DNMT3A: variants seen among roughly 807,000 people sequenced by gnomAD.
DNMT3A encodes DNA (cytosine-5)-methyltransferase 3A.
Under a neutral mutation model 117.6 loss-of-function variants are expected in DNMT3A, and 267 were observed. The ratio of observed to expected loss-of-function variants is 2.27; its 90% CI spans 2.05 to 2.51. The LOEUF (loss-of-function observed/expected upper bound fraction) is 2.51. DNMT3A is among the 30% of genes most tolerant of loss of function. DNMT3A has a pLI of 0.00. For missense variants in DNMT3A, 1,029 were observed against 1,260.2 expected (o/e 0.82, Z 2.78); for synonymous variants, 432 against 474.8 (o/e 0.91, Z 1.17).
At chr2:25,238,697 C>A (rs979983196) in intron 20 of DNMT3A, among the ~76,000 whole-genome samples, 2 of 152,106 alleles carry the variant, frequency 1.3e-5, no homozygotes, top group Non-Finnish European at 2.9e-5. Flanking sequence ...TAAGCAGAAC[C>A]CTGAACTTGC....
At position 25,305,221 on chromosome 2, in the gene DNMT3A, G is replaced by A. The variant is rs976635046; in HGVS notation, c.73-4978C>T. Reference sequence around the variant, plus strand: ...GATTAGGAAACAAGAGGACTAAAACGTCCCTTCTAGACTTAAACATAATTG... The same window carrying A: ...GATTAGGAAACAAGAGGACTAAAACATCCCTTCTAGACTTAAACATAATTG... On this transcript the variant is annotated intron_variant, in intron 2 of 22. Coordinates refer to ENST00000321117, the MANE Select transcript of DNMT3A (RefSeq NM_022552.5). This position sits in a 1 kb window ranked among gnomAD's most constrained non-coding sequence, Gnocchi z 4.1. Among the ~76,000 whole-genome samples the A allele has an allele frequency of 7.2e-5, 11 of 152,308 alleles. No homozygotes were observed. Among genetic ancestry groups the A allele is most frequent in the East Asian group, 1.9e-4 (1 of 5,190 alleles).
intron 16 of DNMT3A, among the ~76,000 whole-genome samples, chr2:25,243,668 A>G (rs1418451714): frequency 6.6e-6 from 1 of 152,258 alleles, no homozygotes; most frequent in African/African-American, 2.4e-5. Flanking sequence ...TTACTAAGGA[A>G]GCGCCCAGCA....
intron 2 of DNMT3A, among the ~76,000 whole-genome samples, chr2:25,309,870 G>A (rs1411283421): frequency 6.6e-6 from 1 of 151,958 alleles, no homozygotes; most frequent in Admixed American, 6.6e-5. Flanking sequence ...TGGCTAACAT[G>A]GTGAAACCCC....
At chr2:25,300,360 G>C in intron 2 of DNMT3A, 117 bp from the exon 3 acceptor site, 1 of 1,172,302 alleles carries the variant, frequency 8.5e-7, no homozygotes. Flanking sequence ...CCTGTCCCAC[G>C]AGCCACACTT....
intron 17 of DNMT3A, among the ~76,000 whole-genome samples, chr2:25,240,951 A>G (rs1485940642): frequency 1.3e-5 from 2 of 152,200 alleles, no homozygotes; most frequent in Non-Finnish European, 1.5e-5. Flanking sequence ...GGAAACTAGT[A>G]TCACCCAGGC....
intron 1 of DNMT3A, among the ~76,000 whole-genome samples, chr2:25,336,686 G>A (rs958752860): frequency 1.3e-5 from 2 of 151,778 alleles, no homozygotes; most frequent in Non-Finnish European, 2.9e-5. Context: ...AGTTCAGAGC[G>A]ATCCTCCGTG....
intron 2 of DNMT3A, among the ~76,000 whole-genome samples, chr2:25,302,985 T>C (rs1308773722): frequency 2.0e-5 from 3 of 151,952 alleles, no homozygotes; most frequent in African/African-American, 7.3e-5. Flanking sequence ...GGTAGGGAGG[T>C]GTCCATCCTG....
chr2:25,275,464 C>G lies in DNMT3A; in HGVS notation c.492+36G>C, dbSNP rs374554793. On this transcript the variant is annotated intron_variant, in intron 5 of 22. Coordinates refer to ENST00000321117, the MANE Select transcript of DNMT3A (RefSeq NM_022552.5). ...GCCACCCGTGTCCTTCTTCTAGAAT[C>G]AGGATCCACAGAGCCCCTGGGGGTG... 48 of 1,518,098 alleles carry G rather than the reference C, an allele frequency of 3.2e-5. No homozygotes were observed. In the African/African-American group the frequency reaches 5.3e-4, roughly 17 times the overall value. The allele number at this position is 1,518,098 out of a possible 1,614,324, so 94.0% of individuals were successfully genotyped here. A position where few individuals can be genotyped will look rare whatever the true frequency, so the allele number is the denominator to read the frequency against.
Position 25,230,955 on chromosome 2 carries a change from G to A in DNMT3A, c.*3324C>T, listed in dbSNP as rs1248702842. The A allele has an allele frequency of 6.6e-6, 1 of 152,322 alleles. No individual in the cohort carries two copies. The highest frequency in any genetic ancestry group is 2.4e-5 in the African/African-American group (1 of 41,446). The allele number at this position is 152,322 out of a possible 1,614,324, so 9.4% of individuals were successfully genotyped here. A position where few individuals can be genotyped will look rare whatever the true frequency, so the allele number is the denominator to read the frequency against. On this transcript the variant is annotated 3_prime_UTR_variant, in exon 23 of 23. Coordinates refer to ENST00000321117, the MANE Select transcript of DNMT3A (RefSeq NM_022552.5). The stretch of plus-strand genomic sequence containing the variant: ...CAAGCCGGCCCACAGGAATCCCCCA[G>A]GCTTGCCATGCCCTTGGCTACCAAG...
rs1347653303 is a variant in DNMT3A, at chr2:25,247,071, C to T, written c.1102G>A (p.Ala368Thr). 3 of 1,614,124 alleles carry T rather than the reference C, an allele frequency of 1.9e-6. No homozygotes were observed. The highest frequency in any genetic ancestry group is 2.5e-6 in the Non-Finnish European group (3 of 1,179,992). The part of the protein sequence containing the change: ...TYNKQPMYRK[A>T]IYEVLQVASS... ...CTCACCTGCAGGACCTCGTAGATGGCTTTGCGGTACATGGGCTGCTTGTTG... is the reference window on the plus strand; with the variant it reads ...CTCACCTGCAGGACCTCGTAGATGGTTTTGCGGTACATGGGCTGCTTGTTG... Residue 368 changes from alanine (A) to threonine (T), a missense_variant, in exon 9 of 23, where the codon GCC (alanine) becomes ACC (threonine). Ala to Thr is a moderately conservative substitution (Grantham distance 58, BLOSUM62 0). Coordinates refer to ENST00000321117, the MANE Select transcript of DNMT3A (RefSeq NM_022552.5). The surrounding 1 kb of genome is among the most constrained non-coding windows in gnomAD (Gnocchi z 5.6).
At chr2:25,334,475 C>T (rs2035133651) in intron 1 of DNMT3A, among the ~76,000 whole-genome samples, 1 of 152,212 alleles carries the variant, frequency 6.6e-6, no homozygotes, top group African/African-American at 2.4e-5. Flanking sequence ...GCTGGGTCAC[C>T]TGAGCTCCAT....
intron 6 of DNMT3A, among the ~76,000 whole-genome samples, chr2:25,248,914 C>A (rs901964386): frequency 6.6e-6 from 1 of 152,058 alleles, no homozygotes; most frequent in African/African-American, 2.4e-5. Context: ...ATGTGCACAA[C>A]GTGCAGGTTT....
Position 25,237,258 on chromosome 2 carries a change from G to T in DNMT3A, c.2409-253C>A, listed in dbSNP as rs17046942. Among the ~76,000 whole-genome samples, 1 of 152,134 alleles carries T rather than the reference G, an allele frequency of 6.6e-6. No homozygotes were observed. The highest frequency in any genetic ancestry group is 2.4e-5 in the African/African-American group (1 of 41,414). ...GTAAATTCAAAAGTGGTCTCAAATTGTGAACAGGCAGATAACACCTAGCAG... is the reference window on the plus strand; with the variant it reads ...GTAAATTCAAAAGTGGTCTCAAATTTTGAACAGGCAGATAACACCTAGCAG... On this transcript the variant is annotated intron_variant, in intron 20 of 22. Transcript: ENST00000321117. The surrounding 1 kb of genome is among the most constrained non-coding windows in gnomAD (Gnocchi z 5.4).
Position 25,257,168 on chromosome 2 carries a change from A to T in DNMT3A, c.640-8916T>A, listed in dbSNP as rs1158774746. Among the ~76,000 whole-genome samples, 1 of 152,180 alleles carries T rather than the reference A, an allele frequency of 6.6e-6. No homozygotes were observed. Among genetic ancestry groups the T allele is most frequent in the Non-Finnish European group, 1.5e-5 (1 of 68,022 alleles). ...GCAGTGAAGCTAAAAATAGCCATGA[A>T]GCCAACAGCGTGGAGTTAGCAGGAC... is the stretch of plus-strand genomic sequence containing the variant. On this transcript the variant is annotated intron_variant, in intron 6 of 22. Transcript: ENST00000321117. This position sits in a 1 kb window ranked among gnomAD's most constrained non-coding sequence, Gnocchi z 4.8.
At position 25,236,185 on chromosome 2, in the gene DNMT3A, A is replaced by G. The variant is rs1573298458; in HGVS notation, c.2479-360T>C. ...GGTTCAAGCGATTCTAATGCCTCAGACTCCTGAGTAGCTGGGACTACAGGC... is the reference window on the plus strand; with the variant it reads ...GGTTCAAGCGATTCTAATGCCTCAGGCTCCTGAGTAGCTGGGACTACAGGC... On this transcript the variant is annotated intron_variant, in intron 21 of 22. Coordinates refer to ENST00000321117, the MANE Select transcript of DNMT3A (RefSeq NM_022552.5). This position sits in a 1 kb window ranked among gnomAD's most constrained non-coding sequence, Gnocchi z 4.5. Among the ~76,000 whole-genome samples, 1 of 151,066 alleles carries G rather than the reference A, an allele frequency of 6.6e-6. No homozygotes were observed. The highest frequency in any genetic ancestry group is 1.5e-5 in the Non-Finnish European group (1 of 67,788).
intron 1 of DNMT3A, among the ~76,000 whole-genome samples, chr2:25,323,611 C>CAAG (rs1444368086): frequency 1.3e-5 from 2 of 152,200 alleles, no homozygotes; most frequent in African/African-American, 4.8e-5. Flanking sequence ...AAAATGCTTC[C>CAAG]AAGAGCGCCT....
intron 16 of DNMT3A, among the ~76,000 whole-genome samples, chr2:25,242,376 C>T (rs890443984): frequency 1.3e-5 from 2 of 152,130 alleles, no homozygotes; most frequent in Non-Finnish European, 2.9e-5. Context: ...GGCAAGGAAA[C>T]AATCAGAGCA....
At position 25,239,207 on chromosome 2, in the gene DNMT3A, A is replaced by G. The variant is rs758014471; in HGVS notation, c.2331T>C (p.Pro777=). 2.0e-4 allele frequency: 322 copies of G among 1,613,712 alleles called. No homozygotes were observed. Among genetic ancestry groups the G allele is most frequent in the Non-Finnish European group, 2.6e-4 (307 of 1,179,826 alleles). ...RDISRFLESN[P]VMIDAKEVSA... ...ACACTTCTTTGGCATCAATCATCAC[A>G]GGGTTGGACTACAAAACAGGAGACG... Residue 777 remains proline, a synonymous_variant, in exon 20 of 23, where the codon CCT becomes CCC. Transcript: ENST00000321117.
intron 1 of DNMT3A, among the ~76,000 whole-genome samples, chr2:25,324,604 C>T (rs927172319): frequency 1.3e-5 from 2 of 152,090 alleles, no homozygotes; most frequent in African/African-American, 2.4e-5. Flanking sequence ...TTGTGCCCCA[C>T]CCCCACCCCC....
Sources: allele counts gnomAD v4.1 joint callset (sites outside exome capture counted in the v4.1 genomes callset), GRCh38; gene constraint gnomAD v4.1.1; non-coding constraint Gnocchi (gnomAD v3.1); transcripts MANE v1.5; gene names NCBI Gene and HGNC (gene_info 2026-07-23, HGNC 2026-07-21).